Variants in FAT3 observed in about 807,000 individuals in gnomAD.
The protein encoded by FAT3 is FAT atypical cadherin 3.
A neutral mutation model predicts 310.2 loss-of-function variants in FAT3; 95 were observed. That is an observed-to-expected ratio of 0.31 (90% CI 0.26 to 0.36). The LOEUF (loss-of-function observed/expected upper bound fraction) is 0.36, where lower values mean the gene tolerates loss of function less well. Among genes scored for constraint, FAT3 ranks in the 10% least tolerant of loss-of-function variants. The pLI is 1.00. For missense variants in FAT3, 5,408 were observed against 5,715.6 expected (o/e 0.95, Z 1.74); for synonymous variants, 2,314 against 2,192.9 (o/e 1.06, Z -1.54).
intron 4 of FAT3, among the ~76,000 whole-genome samples, chr11:92,705,948 TGTG>T (rs1193708782): frequency 7.4e-5 from 5 of 67,848 alleles, no homozygotes; most frequent in East Asian, 3.9e-4. Flanking sequence ...GTGATTGTGG[TGTG>T]GTGGTTGTGA....
At chr11:92,641,386 C>T (rs1343715045) in intron 3 of FAT3, among the ~76,000 whole-genome samples, 1 of 152,170 alleles carries the variant, frequency 6.6e-6, no homozygotes, top group Non-Finnish European at 1.5e-5. Flanking sequence ...AACTTCATGG[C>T]TTAAAACATC....
intron 2 of FAT3, among the ~76,000 whole-genome samples, chr11:92,512,165 ATG>A (rs1358334577): frequency 2.0e-5 from 3 of 152,190 alleles, no homozygotes. Context: ...ACATTTAAGT[ATG>A]TTATATATCT....
chr11:92,806,609 T>TGATG, intron 12 of FAT3, 94 bp downstream of exon 12: 1 of 1,062,554 alleles, frequency 9.4e-7, no homozygotes, highest in Non-Finnish European at 1.3e-6. Context: ...TAGTTAGTAG[T>TGATG]ATACTTACTC....
intron 1 of FAT3, among the ~76,000 whole-genome samples, chr11:92,289,029 C>T (rs78044071): frequency 0.022 from 3,302 of 152,148 alleles, 130 homozygotes; most frequent in African/African-American, 0.074. Flanking sequence ...GCCCTGCTTG[C>T]GGGACTCACC....
chr11:92,820,352 C>A (rs207472181), intron 13 of FAT3, among the ~76,000 whole-genome samples: 1 of 152,104 alleles, frequency 6.6e-6, no homozygotes, highest in African/African-American at 2.4e-5. Flanking sequence ...TCTTATGGGT[C>A]ACTAATCCTA....
At chr11:92,679,849 A>AG (rs1286905542) in intron 3 of FAT3, among the ~76,000 whole-genome samples, 11 of 108,030 alleles carry the variant, frequency 1.0e-4, no homozygotes, top group African/African-American at 3.8e-4. Context: ...CTCAAAAAAA[A>AG]AAAAAAAAAA....
At position 92,883,205 on chromosome 11, in the gene FAT3, A is replaced by T. The variant is rs1220737656; in HGVS notation, c.12749A>T (p.Asp4250Val). 1 of 1,613,304 alleles carries T rather than the reference A, an allele frequency of 6.2e-7. No homozygotes were observed. The highest frequency in any genetic ancestry group is 1.7e-5 in the Admixed American group (1 of 60,026). Reference protein sequence around the residue: ...CFQSDSRSNLDKIVDGLGGEH... With the variant: ...CFQSDSRSNLVKIVDGLGGEH... ...CAGAGTGACTCCAGGAGCAACCTGGATAAGATCGTGGACGGGCTGGGAGGC... is the reference window on the plus strand; with the variant it reads ...CAGAGTGACTCCAGGAGCAACCTGGTTAAGATCGTGGACGGGCTGGGAGGC... Residue 4250 changes from aspartate to valine, a missense_variant, in exon 24 of 28, where the codon GAT becomes GTT. Transcript: ENST00000525166. This position sits in a 1 kb window ranked among gnomAD's most constrained non-coding sequence, Gnocchi z 4.2.
At chr11:92,818,741 G>A (rs1184071533) in intron 13 of FAT3, among the ~76,000 whole-genome samples, 1 of 152,098 alleles carries the variant, frequency 6.6e-6, no homozygotes, top group Admixed American at 6.5e-5. Context: ...TCCCTTTGCC[G>A]ACCTCAAAGC....
chr11:92,563,748 A>G (rs1222057620), intron 3 of FAT3, among the ~76,000 whole-genome samples: 2 of 152,170 alleles, frequency 1.3e-5, no homozygotes, highest in African/African-American at 4.8e-5. Context: ...TTCTTAAGGA[A>G]AAGAATTTTC....
In FAT3 at chr11:92,631,683, G is replaced by C. The variant is rs150100226; in HGVS notation, c.3608-65701G>C. On this transcript the variant is annotated intron_variant, in intron 3 of 27. Transcript: ENST00000525166. Reference sequence around the variant, plus strand: ...TTCTTTATAAATTACCCAGTGTCAGGTATTTCTTTATAGCAATGCCAAAAT... The same window carrying C: ...TTCTTTATAAATTACCCAGTGTCAGCTATTTCTTTATAGCAATGCCAAAAT... Among the ~76,000 whole-genome samples the C allele has an allele frequency of 4.7e-3, 721 of 152,184 alleles. 6 individuals are homozygous for C. The highest frequency in any genetic ancestry group is 5.6e-3 in the Non-Finnish European group (384 of 68,012).
intron 3 of FAT3, among the ~76,000 whole-genome samples, chr11:92,606,406 G>T (rs772606615): frequency 6.6e-6 from 1 of 152,158 alleles, no homozygotes; most frequent in Non-Finnish European, 1.5e-5. Flanking sequence ...GACTTCCCCA[G>T]GTTAGGGAGC....
chr11:92,361,717 A>T (rs188172762), intron 2 of FAT3, among the ~76,000 whole-genome samples: 42 of 152,268 alleles, frequency 2.8e-4, no homozygotes, highest in African/African-American at 9.9e-4. Context: ...CTCCTCCAAC[A>T]GGGGAAAGGG....
At chr11:92,761,268 G>A (rs888070802) in intron 4 of FAT3, among the ~76,000 whole-genome samples, 5 of 152,140 alleles carry the variant, frequency 3.3e-5, no homozygotes, top group African/African-American at 4.8e-5. Context: ...TCCTCATATG[G>A]TGGAAGGGAA....
intron 1 of FAT3, among the ~76,000 whole-genome samples, chr11:92,270,990 C>A (rs893309058): frequency 6.6e-6 from 1 of 152,068 alleles, no homozygotes; most frequent in East Asian, 1.9e-4. Flanking sequence ...AAAATATATC[C>A]CAAAGCAGGC....
At chr11:92,668,990 G>A (rs1591587259) in intron 3 of FAT3, among the ~76,000 whole-genome samples, 2 of 152,284 alleles carry the variant, frequency 1.3e-5, no homozygotes, top group Admixed American at 1.3e-4. Flanking sequence ...AGCACCAAAG[G>A]ATACCTGTGG....
intron 3 of FAT3, among the ~76,000 whole-genome samples, chr11:92,664,640 T>C (rs1284115596): frequency 6.6e-6 from 1 of 152,194 alleles, no homozygotes; most frequent in Non-Finnish European, 1.5e-5. Flanking sequence ...TTTATGACTC[T>C]TTAAAGAAAA....
At chr11:92,489,595 A>G (rs866643655) in intron 2 of FAT3, among the ~76,000 whole-genome samples, 13 of 151,904 alleles carry the variant, frequency 8.6e-5, no homozygotes, top group South Asian at 2.1e-4. Context: ...AAAAAAGTAC[A>G]AAAAAAAGCA....
intron 1 of FAT3, among the ~76,000 whole-genome samples, chr11:92,342,575 A>T (rs1268951213): frequency 6.6e-6 from 1 of 152,156 alleles, no homozygotes; most frequent in Non-Finnish European, 1.5e-5. Flanking sequence ...GAGGCTCTCC[A>T]AGCACTTTTT....
chr11:92,589,759 A>G lies in FAT3; in HGVS notation c.3607+64811A>G, dbSNP rs371559201. ...GATCTCAATAACAGAGATATGACAC[A>G]CATAACTGAAGCCTAATTGAGGCTG... On this transcript the variant is annotated intron_variant, in intron 3 of 27. Coordinates refer to ENST00000525166, the MANE Select transcript of FAT3 (RefSeq NM_001367949.2). Among the ~76,000 whole-genome samples, 3 of 152,208 alleles carry G rather than the reference A, an allele frequency of 2.0e-5. No homozygotes were observed. In the East Asian group the frequency reaches 5.8e-4, roughly 29 times the overall value.
Sources: gnomAD v4.1 joint callset for allele counts (sites outside exome capture counted in the v4.1 genomes callset) on GRCh38, gnomAD v4.1.1 for gene constraint, Gnocchi (gnomAD v3.1) non-coding constraint, MANE v1.5 for transcripts, NCBI Gene and HGNC (gene_info 2026-07-23, HGNC 2026-07-21) for gene names.